The following RAPGEF5 variants were observed in gnomAD, a reference collection of about 807,000 sequenced individuals.
RAPGEF5 encodes the protein M-Ras-regulated GEF.
A neutral mutation model predicts 125.2 loss-of-function variants in RAPGEF5; 65 were observed. The observed-to-expected ratio is 0.52, with a 90% CI of 0.43 to 0.64. The LOEUF is 0.64. Ranked by LOEUF, RAPGEF5 falls within the 30% of genes least tolerant of loss-of-function variation. The probability of loss-of-function intolerance (pLI) is 0.00; values close to 1 mark genes in which losing one functional copy is unlikely to be tolerated. For synonymous variants in RAPGEF5, 391 were observed against 385.9 expected, an observed-to-expected ratio of 1.01 and a Z score of -0.16; for missense variants, 958 against 1,048.1, an observed-to-expected ratio of 0.91 and a Z score of 1.19.
At chr7:22,225,790 T>A (rs1032709114) in intron 8 of RAPGEF5, among the ~76,000 whole-genome samples, 2 of 152,222 alleles carry the variant, frequency 1.3e-5, no homozygotes, top group African/African-American at 4.8e-5. Context: ...GATTAATGTA[T>A]AACTGTCAGA....
rs184178952 is a variant in RAPGEF5 at position 22,167,257 on chromosome 7, T to C, written c.1205-109A>G. 163 of 782,804 alleles carry C rather than the reference T, an allele frequency of 2.1e-4. No individual in the cohort carries two copies. The African/African-American group carries it at 2.6e-3, about 13-fold the overall frequency. The allele number at this position is 782,804 out of a possible 1,614,324, so 48.5% of individuals were successfully genotyped here. The stretch of plus-strand genomic sequence containing the variant: ...TGCATGGCAGAAATATGATAAATAT[T>C]GATAGCTGTGGGAGGGATTAGGAGA... On this transcript the variant is annotated intron_variant, in intron 11 of 25. Coordinates refer to ENST00000665637, the MANE Select transcript of RAPGEF5 (RefSeq NM_012294.5).
In RAPGEF5 at chr7:22,145,516, C is replaced by T. The variant is rs900310670; in HGVS notation, c.2008-294G>A. On this transcript the variant is annotated intron_variant, in intron 19 of 25. Transcript: ENST00000665637. ...GTTTAAATCATAGGATAAAAGGAAT[C>T]CCCAAATTTCCCAAACTTGTCATGT... 5.9e-5 allele frequency among the ~76,000 whole-genome samples: 9 copies of T among 152,280 alleles called. No individual in the cohort carries two copies. In the South Asian group the frequency reaches 1.9e-3, roughly 32 times the overall value.
chr7:22,145,967 CGTGTGTGTGTGTGT>C (rs71864981), intron 19 of RAPGEF5, among the ~76,000 whole-genome samples: 22 of 143,882 alleles, frequency 1.5e-4, no homozygotes, highest in Non-Finnish European at 3.1e-4. Flanking sequence ...TGTTTGTGTG[CGTGTGTGTGTGTGT>C]GTGTGTGTGT....
At chr7:22,190,185 C>T (rs1419135996) in intron 11 of RAPGEF5, among the ~76,000 whole-genome samples, 1 of 152,084 alleles carries the variant, frequency 6.6e-6, no homozygotes, top group African/African-American at 2.4e-5. Flanking sequence ...GAGGCTGAGG[C>T]AGGAGAATCG....
rs549670268 is a variant in RAPGEF5, at chr7:22,127,202, C to A, written c.2482-1544G>T. ...TACAGAGGCATGCCACCACACCCAG[C>A]TAATTTTTATATTTTTAGTAAAGAC... On this transcript the variant is annotated intron_variant, in intron 24 of 25. Transcript: ENST00000665637. 1.9e-3 allele frequency among the ~76,000 whole-genome samples: 282 copies of A among 152,034 alleles called. 1 individual carries two copies. The highest frequency in any genetic ancestry group is 3.2e-3 in the Non-Finnish European group (219 of 67,976).
chr7:22,269,212 A>G (rs1012047502), intron 6 of RAPGEF5, among the ~76,000 whole-genome samples: 7 of 151,196 alleles, frequency 4.6e-5, no homozygotes, highest in African/African-American at 1.7e-4. Flanking sequence ...AAACCCAAAG[A>G]TAGGTTAGTC....
intron 25 of RAPGEF5, among the ~76,000 whole-genome samples, chr7:22,122,889 T>TTTCA (rs1278207342): frequency 2.6e-5 from 4 of 152,202 alleles, no homozygotes; most frequent in Non-Finnish European, 4.4e-5. Context: ...TTAGGTAGCC[T>TTTCA]TTCACAGCAG....
chr7:22,177,581 G>C (rs2128120051), intron 11 of RAPGEF5, among the ~76,000 whole-genome samples: 1 of 152,348 alleles, frequency 6.6e-6, no homozygotes, highest in East Asian at 1.9e-4. Flanking sequence ...AACTGTGCCA[G>C]TGCTAATGAT....
At chr7:22,312,980 A>C (rs369356487) in intron 3 of RAPGEF5, among the ~76,000 whole-genome samples, 13 of 152,294 alleles carry the variant, frequency 8.5e-5, no homozygotes, top group Non-Finnish European at 1.6e-4. Context: ...AACAATCTAA[A>C]CACAGACAGC....
chr7:22,348,337 G>T (rs2128388633), intron 1 of RAPGEF5, among the ~76,000 whole-genome samples: 1 of 152,304 alleles, frequency 6.6e-6, no homozygotes, highest in East Asian at 1.9e-4. Flanking sequence ...TATTCTCAAT[G>T]ATTTTATTCT....
chr7:22,254,320 A>G (rs969632482), intron 7 of RAPGEF5, among the ~76,000 whole-genome samples: 1 of 152,008 alleles, frequency 6.6e-6, no homozygotes, highest in African/African-American at 2.4e-5. Flanking sequence ...AAAAGAAAAA[A>G]AAAAAAGGCC....
At chr7:22,187,709 A>G (rs1232740440) in intron 11 of RAPGEF5, among the ~76,000 whole-genome samples, 1 of 152,224 alleles carries the variant, frequency 6.6e-6, no homozygotes, top group Non-Finnish European at 1.5e-5. Flanking sequence ...GCAGAACTCC[A>G]GGACAGGGGC....
At chr7:22,290,705 G>A (rs376364149) in intron 6 of RAPGEF5, among the ~76,000 whole-genome samples, 3,552 of 144,578 alleles carry the variant, frequency 0.025, 131 homozygotes, top group African/African-American at 0.086. Context: ...AGATCCCGCC[G>A]CTGCACTCCA....
intron 20 of RAPGEF5, 96 bp from the exon 21 acceptor site, chr7:22,140,211 G>A: frequency 2.7e-6 from 3 of 1,125,174 alleles, no homozygotes; most frequent in Non-Finnish European, 3.9e-6. Flanking sequence ...CTAGGCCACA[G>A]AGCTCAGGAA....
At chr7:22,241,534 T>A (rs116345105) in intron 7 of RAPGEF5, among the ~76,000 whole-genome samples, 3,126 of 152,306 alleles carry the variant, frequency 0.021, 97 homozygotes, top group African/African-American at 0.071. Context: ...AAAGCATTAT[T>A]CCTACAATAC....
At chr7:22,240,911 A>G (rs1481453557) in intron 7 of RAPGEF5, among the ~76,000 whole-genome samples, 8 of 152,224 alleles carry the variant, frequency 5.3e-5, no homozygotes, top group African/African-American at 1.7e-4. Context: ...GAGCCTACCT[A>G]TGTGTCAGTA....
chr7:22,166,005 T>TAC (rs1784149888), intron 12 of RAPGEF5, among the ~76,000 whole-genome samples: 1 of 148,890 alleles, frequency 6.7e-6, no homozygotes, highest in South Asian at 2.1e-4. Flanking sequence ...TATATATATA[T>TAC]ACACCAAATA....
chr7:22,128,630 G>A (rs1488247410), intron 24 of RAPGEF5, among the ~76,000 whole-genome samples: 1 of 152,120 alleles, frequency 6.6e-6, no homozygotes, highest in Non-Finnish European at 1.5e-5. Context: ...GTAACACAAT[G>A]CTATATATGA....
intron 1 of RAPGEF5, among the ~76,000 whole-genome samples, chr7:22,351,442 A>G (rs1784326706): frequency 6.6e-6 from 1 of 152,196 alleles, no homozygotes; most frequent in Admixed American, 6.5e-5. Flanking sequence ...CTCTCAATGC[A>G]TTTGAGGAAA....
Sources: allele counts gnomAD v4.1 joint callset (sites outside exome capture counted in the v4.1 genomes callset), GRCh38; gene constraint gnomAD v4.1.1; transcripts MANE v1.5; gene names NCBI Gene and HGNC (gene_info 2026-07-23, HGNC 2026-07-21).